Variants in PACSIN2 observed in about 807,000 individuals in gnomAD.
PACSIN2 encodes protein kinase C and casein kinase substrate in neurons 2.
PACSIN2 carries 25 observed loss-of-function variants against 63.8 expected under a neutral mutation model. That is an observed-to-expected ratio of 0.39 (90% CI 0.29 to 0.55). The LOEUF (loss-of-function observed/expected upper bound fraction) is 0.55, where lower values mean the gene tolerates loss of function less well. Among genes scored for constraint, PACSIN2 ranks in the 20% least tolerant of loss-of-function variants. PACSIN2 has a pLI of 0.62. For missense variants in PACSIN2, 518 were observed against 646.9 expected (o/e 0.80, Z 2.16); for synonymous variants, 255 against 256.2 (o/e 1.00, Z 0.05).
intron 1 of PACSIN2, among the ~76,000 whole-genome samples, chr22:43,004,952 C>CA (rs1233339246): frequency 1.3e-5 from 2 of 151,908 alleles, no homozygotes; most frequent in Non-Finnish European, 2.9e-5. Context: ...GTCCTGAAAA[C>CA]AAAATGAGGG....
chr22:42,908,104 G>C (rs1317692724), intron 2 of PACSIN2, among the ~76,000 whole-genome samples: 2 of 152,180 alleles, frequency 1.3e-5, no homozygotes, highest in Non-Finnish European at 2.9e-5. Context: ...TCTTCTCAGG[G>C]GCTCTTTGTA....
At chr22:42,872,055 C>A (rs529960456) in intron 10 of PACSIN2, among the ~76,000 whole-genome samples, 13 of 152,238 alleles carry the variant, frequency 8.5e-5, no homozygotes, top group Non-Finnish European at 1.6e-4. Context: ...GAGCCCCTGG[C>A]GCTGTTCTGG....
chr22:42,937,642 T>C (rs948159612), intron 1 of PACSIN2, among the ~76,000 whole-genome samples: 1 of 151,988 alleles, frequency 6.6e-6, no homozygotes, highest in African/African-American at 2.4e-5. Flanking sequence ...TACGAGGTGC[T>C]TTCACTTACC....
At chr22:42,972,063 G>T (rs1302873692) in intron 1 of PACSIN2, among the ~76,000 whole-genome samples, 3 of 145,460 alleles carry the variant, frequency 2.1e-5, no homozygotes, top group Non-Finnish European at 3.0e-5. Context: ...TTTGTCCAAT[G>T]GGGGGGGGAA....
At chr22:42,985,726 C>G (rs1569353374) in intron 1 of PACSIN2, among the ~76,000 whole-genome samples, 1 of 152,220 alleles carries the variant, frequency 6.6e-6, no homozygotes, top group African/African-American at 2.4e-5. Context: ...CTCTTCACCA[C>G]ATTATATTCA....
intron 2 of PACSIN2, among the ~76,000 whole-genome samples, chr22:42,910,170 G>A (rs1453735181): frequency 6.6e-6 from 1 of 152,138 alleles, no homozygotes; most frequent in African/African-American, 2.4e-5. Context: ...TGTCCCCATT[G>A]CCTCTCCTGG....
chr22:42,983,897 A>C (rs1922421501), intron 1 of PACSIN2, among the ~76,000 whole-genome samples: 1 of 152,048 alleles, frequency 6.6e-6, no homozygotes, highest in Non-Finnish European at 1.5e-5. Context: ...ATGTCAGGTC[A>C]GGAAATAAAC....
intron 1 of PACSIN2, among the ~76,000 whole-genome samples, chr22:42,971,232 C>A: frequency 6.6e-6 from 1 of 152,306 alleles, no homozygotes; most frequent in Non-Finnish European, 1.5e-5. Flanking sequence ...ATTGCAGGCG[C>A]GCGCCGCCAC....
chr22:42,944,228 C>T (rs1933306578), intron 1 of PACSIN2, among the ~76,000 whole-genome samples: 1 of 152,154 alleles, frequency 6.6e-6, no homozygotes, highest in South Asian at 2.1e-4. Context: ...CCCCAGCCAT[C>T]CTACAAGGGA....
intron 1 of PACSIN2, among the ~76,000 whole-genome samples, chr22:42,944,937 A>T (rs1187465158): frequency 6.6e-6 from 1 of 152,096 alleles, no homozygotes; most frequent in Non-Finnish European, 1.5e-5. Flanking sequence ...ATGTCTACTA[A>T]AAATACAAAA....
intron 2 of PACSIN2, among the ~76,000 whole-genome samples, chr22:42,903,066 G>C (rs1930810959): frequency 6.6e-6 from 1 of 152,188 alleles, no homozygotes; most frequent in Non-Finnish European, 1.5e-5. Flanking sequence ...AGTCACATAA[G>C]CACAGCCAGC....
chr22:42,872,818 C>T (rs768369333), intron 10 of PACSIN2, among the ~76,000 whole-genome samples: 7 of 152,256 alleles, frequency 4.6e-5, no homozygotes, highest in Non-Finnish European at 7.3e-5. Context: ...CAGACCAGTG[C>T]GCCTGCAGAT....
chr22:42,928,706 TG>T (rs1193618922), intron 1 of PACSIN2, among the ~76,000 whole-genome samples: 1 of 152,204 alleles, frequency 6.6e-6, no homozygotes, highest in Non-Finnish European at 1.5e-5. Flanking sequence ...ATACCCTACC[TG>T]GAACACCAAA....
chr22:43,009,201 C>G (rs1381065616), intron 1 of PACSIN2, among the ~76,000 whole-genome samples: 1 of 152,208 alleles, frequency 6.6e-6, no homozygotes, highest in Non-Finnish European at 1.5e-5. Context: ...CAGTTCTGGT[C>G]CCAGGACGGC....
At position 43,012,154 on chromosome 22, in the gene PACSIN2, A is replaced by ATAC. The variant is rs1924533129; in HGVS notation, c.-78+2866_-78+2867insGTA. Reference sequence around the variant, plus strand: ...GCGAGACTCTGTCTCAAAATAAATAAATACATACATACATACATACATACA... The same window carrying ATAC: ...GCGAGACTCTGTCTCAAAATAAATAATACATACATACATACATACATACATACA... On this transcript the variant is annotated intron_variant, in intron 1 of 10. Transcript: ENST00000263246. Among the ~76,000 whole-genome samples, 99 of 134,002 alleles carry ATAC rather than the reference A, an allele frequency of 7.4e-4. No individual in the cohort carries two copies. The South Asian group carries it at 7.6e-3, about 10-fold the overall frequency. The allele number at this position is 134,002 out of a possible 152,430, so 87.9% of individuals were successfully genotyped here.
intron 2 of PACSIN2, among the ~76,000 whole-genome samples, chr22:42,909,945 A>C (rs1295117746): frequency 6.6e-6 from 1 of 152,176 alleles, no homozygotes; most frequent in Non-Finnish European, 1.5e-5. Context: ...AAGGGCCCCC[A>C]CCAGCCTTGC....
At chr22:42,874,822 C>T (rs1179500941) in intron 10 of PACSIN2, among the ~76,000 whole-genome samples, 1 of 150,704 alleles carries the variant, frequency 6.6e-6, no homozygotes, top group Admixed American at 6.6e-5. Flanking sequence ...CAGCACCTCA[C>T]TATTTCTGAG....
At chr22:42,911,489 C>T (rs1488813543) in intron 2 of PACSIN2, among the ~76,000 whole-genome samples, 2 of 151,924 alleles carry the variant, frequency 1.3e-5, no homozygotes, top group Non-Finnish European at 1.5e-5. Context: ...CAACACCCTC[C>T]GCCTCCACAA....
intron 1 of PACSIN2, among the ~76,000 whole-genome samples, chr22:42,965,404 C>G (rs1920944650): frequency 6.6e-6 from 1 of 152,016 alleles, no homozygotes; most frequent in Admixed American, 6.6e-5. Flanking sequence ...TGTATGTAAA[C>G]TAATACCTCA....
Sources: gnomAD v4.1 joint callset for allele counts (sites outside exome capture counted in the v4.1 genomes callset) on GRCh38, gnomAD v4.1.1 for gene constraint, MANE v1.5 for transcripts, NCBI Gene and HGNC (gene_info 2026-07-23, HGNC 2026-07-21) for gene names.